The following ZBTB20 variants were observed in gnomAD, a reference collection of about 807,000 sequenced individuals.
ZBTB20 encodes zinc finger and BTB domain containing 20.
A neutral mutation model predicts 56.9 loss-of-function variants in ZBTB20; 9 were observed. That is an observed-to-expected ratio of 0.16 (90% CI 0.10 to 0.28). The LOEUF (loss-of-function observed/expected upper bound fraction) is 0.28. Among genes scored for constraint, ZBTB20 ranks in the 10% least tolerant of loss-of-function variants. The pLI, the probability that ZBTB20 is intolerant of heterozygous loss-of-function variation, is 1.00. For synonymous variants in ZBTB20, 417 were observed against 420.7 expected (o/e 0.99, Z 0.11); for missense variants, 655 against 1,003.0 (o/e 0.65, Z 4.69).
intron 2 of ZBTB20, among the ~76,000 whole-genome samples, chr3:114,994,717 A>G (rs1365304684): frequency 6.6e-6 from 1 of 151,896 alleles, no homozygotes; most frequent in Non-Finnish European, 1.5e-5. Flanking sequence ...GGACACTGCC[A>G]CACTTATTTC....
At chr3:114,796,422 T>C (rs1358414380) in intron 5 of ZBTB20, among the ~76,000 whole-genome samples, 3 of 151,958 alleles carry the variant, frequency 2.0e-5, no homozygotes, top group African/African-American at 7.2e-5. Context: ...TGTATATTGA[T>C]TAGGGATTGT....
At chr3:114,944,413 A>G (rs2076819885) in intron 3 of ZBTB20, among the ~76,000 whole-genome samples, 1 of 145,530 alleles carries the variant, frequency 6.9e-6, no homozygotes, top group Non-Finnish European at 1.5e-5. Context: ...ATTATGAAAA[A>G]CAATATGAAG....
At chr3:114,452,123 C>A (rs1009585401) in intron 7 of ZBTB20, among the ~76,000 whole-genome samples, 4 of 151,806 alleles carry the variant, frequency 2.6e-5, no homozygotes, top group Non-Finnish European at 2.9e-5. Context: ...AATGCAGGGA[C>A]AACAGCCCAC....
intron 3 of ZBTB20, among the ~76,000 whole-genome samples, chr3:114,917,127 T>C (rs972234473): frequency 1.3e-5 from 2 of 152,140 alleles, no homozygotes; most frequent in Admixed American, 6.5e-5. Context: ...ACTAATTCTT[T>C]CTTCTGTTTG....
At chr3:115,040,357 G>C (rs1052201909) in intron 2 of ZBTB20, among the ~76,000 whole-genome samples, 1 of 152,136 alleles carries the variant, frequency 6.6e-6, no homozygotes, top group Non-Finnish European at 1.5e-5. Context: ...TCTTATTCTA[G>C]AAGCCTGTGC....
At chr3:114,702,148 G>A (rs540438896) in intron 5 of ZBTB20, among the ~76,000 whole-genome samples, 30 of 152,160 alleles carry the variant, frequency 2.0e-4, no homozygotes, top group African/African-American at 6.3e-4. Flanking sequence ...GACCAGCCTA[G>A]ACAACATGGT....
chr3:115,046,148 T>C (rs955247611), intron 2 of ZBTB20, among the ~76,000 whole-genome samples: 4 of 152,154 alleles, frequency 2.6e-5, no homozygotes, highest in African/African-American at 7.2e-5. Flanking sequence ...TCTAGATAAT[T>C]TGCAATAAGC....
At chr3:114,929,647 C>A (rs994106210) in intron 3 of ZBTB20, among the ~76,000 whole-genome samples, 4 of 152,204 alleles carry the variant, frequency 2.6e-5, no homozygotes, top group Admixed American at 6.5e-5. Flanking sequence ...TTCCTACTTA[C>A]AACTTCTATC....
chr3:114,783,025 C>T (rs1028804131), intron 5 of ZBTB20, among the ~76,000 whole-genome samples: 8 of 152,152 alleles, frequency 5.3e-5, no homozygotes, highest in African/African-American at 1.4e-4. Flanking sequence ...CATCCATTCA[C>T]TCTTTCAACC....
At chr3:114,454,110 G>A (rs1361939065) in intron 7 of ZBTB20, among the ~76,000 whole-genome samples, 1 of 150,902 alleles carries the variant, frequency 6.6e-6, no homozygotes. Context: ...GAGAGGGAGA[G>A]AGGGGAAGAG....
intron 6 of ZBTB20, among the ~76,000 whole-genome samples, chr3:114,510,593 A>G (rs974424233): frequency 4.6e-5 from 7 of 152,026 alleles, no homozygotes; most frequent in Non-Finnish European, 7.4e-5. Context: ...TGAGGAAAGC[A>G]TGGTGATGGG....
chr3:114,380,356 C>G lies in ZBTB20; in HGVS notation c.60G>C (p.Glu20Asp), dbSNP rs915537128. 1.3e-5 allele frequency: 20 copies of G among 1,536,932 alleles called. No individual in the cohort carries two copies. In the Admixed American group the frequency reaches 1.6e-4, roughly 12 times the overall value. Residue 20 changes from glutamate to aspartate, a missense_variant, in exon 10 of 12, where the codon GAG becomes GAC. By Grantham distance (45) the Glu-to-Asp change is conservative. Transcript: ENST00000675478. ...CGCTGGATCCACCCGGCTGAGTAAT[C>G]TCATTCTCCTCAGATGCCTTCTGGT... is the stretch of plus-strand genomic sequence containing the variant. The part of the protein sequence containing the change: ...AENQKASEEN[E>D]ITQPGGSSAK...
intron 7 of ZBTB20, among the ~76,000 whole-genome samples, chr3:114,451,977 C>A (rs979578057): frequency 2.0e-5 from 3 of 151,980 alleles, no homozygotes; most frequent in African/African-American, 4.8e-5. Context: ...TCAAGAAGAG[C>A]TAGTGCAGCT....
chr3:114,633,179 C>T (rs1012547557), intron 6 of ZBTB20, among the ~76,000 whole-genome samples: 2 of 152,154 alleles, frequency 1.3e-5, no homozygotes, highest in Non-Finnish European at 2.9e-5. Flanking sequence ...AGAACTGATG[C>T]AAAGTTTCCA....
Position 114,380,762 on chromosome 3 carries a change from T to C in ZBTB20, c.11+15A>G. 6.7e-7 allele frequency: 1 copy of C among 1,503,580 alleles called. No individual in the cohort carries two copies. The highest frequency in any genetic ancestry group is 8.8e-7 in the Non-Finnish European group (1 of 1,135,194). 93.1% of individuals were successfully genotyped at this position (1,503,580 alleles called of 1,614,324 possible). A position where few individuals can be genotyped will look rare whatever the true frequency, so the allele number is the denominator to read the frequency against. ...GTTTTAACATGGTCTGGAAAAATAC[T>C]AGTGGAAGTTTTACCGTTCTAGCAT... On this transcript the variant is annotated intron_variant, in intron 9 of 11. Coordinates refer to ENST00000675478, the MANE Select transcript of ZBTB20 (RefSeq NM_001348800.3).
At chr3:114,517,028 A>C (rs1250339289) in intron 6 of ZBTB20, among the ~76,000 whole-genome samples, 1 of 152,228 alleles carries the variant, frequency 6.6e-6, no homozygotes, top group African/African-American at 2.4e-5. Flanking sequence ...TCTTTCACTC[A>C]TCAGGTACTT....
At chr3:115,015,398 A>G (rs1370559035) in intron 2 of ZBTB20, among the ~76,000 whole-genome samples, 1 of 151,788 alleles carries the variant, frequency 6.6e-6, no homozygotes, top group African/African-American at 2.4e-5. Context: ...TTTGCTGCAC[A>G]GATCAACCCA....
intron 1 of ZBTB20, among the ~76,000 whole-genome samples, chr3:115,104,024 T>A (rs1324884133): frequency 6.6e-6 from 1 of 152,122 alleles, no homozygotes; most frequent in African/African-American, 2.4e-5. Context: ...ATAACCTGAT[T>A]AAAAATGGGC....
intron 7 of ZBTB20, among the ~76,000 whole-genome samples, chr3:114,415,046 C>T (rs1296999631): frequency 2.0e-5 from 3 of 151,876 alleles, no homozygotes; most frequent in East Asian, 1.9e-4. Flanking sequence ...TAGGGACCAC[C>T]CAAATAGTGA....
Sources: gnomAD v4.1 joint callset for allele counts (sites outside exome capture counted in the v4.1 genomes callset) on GRCh38, gnomAD v4.1.1 for gene constraint, MANE v1.5 for transcripts, NCBI Gene and HGNC (gene_info 2026-07-23, HGNC 2026-07-21) for gene names.